Variants in ELAPOR2 observed in about 807,000 individuals in gnomAD.
The protein encoded by ELAPOR2 is endosome/lysosome-associated apoptosis and autophagy regulator family member 2.
A neutral mutation model predicts 120.7 loss-of-function variants in ELAPOR2; 89 were observed. The ratio of observed to expected loss-of-function variants is 0.74; its 90% CI spans 0.62 to 0.88. The LOEUF is 0.88. Ranked by LOEUF, ELAPOR2 falls within the 40% of genes least tolerant of loss-of-function variation. The probability of loss-of-function intolerance (pLI) is 0.00; values close to 1 mark genes in which losing one functional copy is unlikely to be tolerated. For missense variants in ELAPOR2, 1,134 were observed against 1,251.6 expected (o/e 0.91, Z 1.42); for synonymous variants, 444 against 444.9 (o/e 1.00, Z 0.03).
At chr7:86,971,053 T>C (rs1001724333) in intron 1 of ELAPOR2, among the ~76,000 whole-genome samples, 2 of 152,192 alleles carry the variant, frequency 1.3e-5, no homozygotes, top group Admixed American at 6.6e-5. Flanking sequence ...ATAAGGTTTC[T>C]TTCTTAGAAA....
At chr7:87,045,460 G>T (rs1794921765) in intron 1 of ELAPOR2, among the ~76,000 whole-genome samples, 1 of 151,260 alleles carries the variant, frequency 6.6e-6, no homozygotes, top group Admixed American at 6.6e-5. Flanking sequence ...CCTTTGTAGG[G>T]ACATGGATGA....
chr7:86,902,264 C>G (rs1005743326), intron 18 of ELAPOR2, among the ~76,000 whole-genome samples: 1 of 152,152 alleles, frequency 6.6e-6, no homozygotes, highest in Non-Finnish European at 1.5e-5. Flanking sequence ...ACAACCTCCA[C>G]CTCCTGGGTT....
intron 1 of ELAPOR2, among the ~76,000 whole-genome samples, chr7:87,008,286 T>C (rs1436462124): frequency 1.3e-5 from 2 of 152,158 alleles, no homozygotes; most frequent in African/African-American, 2.4e-5. Context: ...GATCTATACT[T>C]TTCAGAAGTA....
intron 1 of ELAPOR2, among the ~76,000 whole-genome samples, chr7:87,024,149 A>C (rs899841988): frequency 2.0e-5 from 3 of 152,150 alleles, no homozygotes; most frequent in African/African-American, 7.2e-5. Flanking sequence ...GCCAGTTTTC[A>C]AAGGGAATGC....
intron 1 of ELAPOR2, among the ~76,000 whole-genome samples, chr7:87,040,661 GA>G (rs1652699490): frequency 6.6e-6 from 1 of 152,188 alleles, no homozygotes; most frequent in African/African-American, 2.4e-5. Context: ...ACAAAGAGGG[GA>G]AAAAACAGAA....
intron 1 of ELAPOR2, among the ~76,000 whole-genome samples, chr7:87,015,279 T>C (rs1447093167): frequency 6.6e-6 from 1 of 152,226 alleles, no homozygotes. Context: ...CTGATAAATC[T>C]GTTGTGAACT....
At chr7:86,932,030 C>A (rs962301820) in intron 8 of ELAPOR2, among the ~76,000 whole-genome samples, 5 of 151,860 alleles carry the variant, frequency 3.3e-5, no homozygotes, top group African/African-American at 9.7e-5. Context: ...TGAACTAAGA[C>A]ATCCAATCAA....
At chr7:86,957,400 AT>A (rs1343323091) in intron 2 of ELAPOR2, among the ~76,000 whole-genome samples, 1 of 152,224 alleles carries the variant, frequency 6.6e-6, no homozygotes, top group African/African-American at 2.4e-5. Context: ...AAGTTACTCA[AT>A]CTACAAACAT....
intron 1 of ELAPOR2, among the ~76,000 whole-genome samples, chr7:86,972,450 A>G (rs1562950245): frequency 6.6e-6 from 1 of 151,954 alleles, no homozygotes; most frequent in Non-Finnish European, 1.5e-5. Flanking sequence ...TCTCCTCCAA[A>G]TTCCTTTTTA....
chr7:86,948,983 C>T (rs1281618144), intron 2 of ELAPOR2, among the ~76,000 whole-genome samples: 2 of 152,092 alleles, frequency 1.3e-5, no homozygotes, highest in African/African-American at 4.8e-5. Flanking sequence ...TTTTAGAATA[C>T]ATTAGAAAAC....
intron 2 of ELAPOR2, among the ~76,000 whole-genome samples, chr7:86,963,865 C>A (rs1218933217): frequency 1.3e-5 from 2 of 152,320 alleles, no homozygotes; most frequent in African/African-American, 2.4e-5. Flanking sequence ...TACACTGAAG[C>A]TTTCACCTGC....
chr7:87,023,049 T>C (rs1794115503), intron 1 of ELAPOR2, among the ~76,000 whole-genome samples: 1 of 151,904 alleles, frequency 6.6e-6, no homozygotes, highest in African/African-American at 2.4e-5. Flanking sequence ...GATGTTAGTT[T>C]ATTTTGCTCT....
At chr7:86,889,769 C>T (rs1395084902) in intron 21 of ELAPOR2, among the ~76,000 whole-genome samples, 1 of 151,988 alleles carries the variant, frequency 6.6e-6, no homozygotes, top group Non-Finnish European at 1.5e-5. Flanking sequence ...TATTGGGTTT[C>T]TGTTAAGATT....
chr7:87,056,531 T>G (rs1795268170), intron 1 of ELAPOR2, among the ~76,000 whole-genome samples: 1 of 152,224 alleles, frequency 6.6e-6, no homozygotes, highest in Non-Finnish European at 1.5e-5. Context: ...CGCTTCCTGT[T>G]TGTGCGTGTG....
At chr7:86,902,100 T>C (rs1163991720) in intron 18 of ELAPOR2, among the ~76,000 whole-genome samples, 2 of 152,200 alleles carry the variant, frequency 1.3e-5, no homozygotes, top group East Asian at 1.9e-4. Flanking sequence ...CTCTGCTTCA[T>C]AGATAGCACT....
intron 18 of ELAPOR2, among the ~76,000 whole-genome samples, chr7:86,907,234 AC>A (rs1203782967): frequency 6.6e-6 from 1 of 152,012 alleles, no homozygotes; most frequent in Non-Finnish European, 1.5e-5. Context: ...TGGCCCCCAT[AC>A]CCTTCCAGAG....
intron 18 of ELAPOR2, among the ~76,000 whole-genome samples, chr7:86,904,045 A>T (rs1788850817): frequency 6.6e-6 from 1 of 152,118 alleles, no homozygotes; most frequent in Non-Finnish European, 1.5e-5. Context: ...GGCATGAAAA[A>T]ACCACACAGT....
chr7:86,908,150 TACACACACACACAC>T lies in ELAPOR2; in HGVS notation c.2456+283_2456+296del, dbSNP rs144805388. Among the ~76,000 whole-genome samples, 1,072 of 144,360 alleles carry T rather than the reference TACACACACACACAC, an allele frequency of 7.4e-3. 19 individuals are homozygous for T. Among genetic ancestry groups the T allele is most frequent in the African/African-American group, 0.024 (968 of 40,042 alleles). 94.7% of individuals were successfully genotyped at this position (144,360 alleles called of 152,430 possible). A position where few individuals can be genotyped will look rare whatever the true frequency, so the allele number is the denominator to read the frequency against. Reference sequence around the variant, plus strand: ...TCTCTTTACTGCCAATGTAAGTGAATACACACACACACACACACACACACACACACACACACGAG... The same window carrying T: ...TCTCTTTACTGCCAATGTAAGTGAATACACACACACACACACACACACGAG... On this transcript the variant is annotated intron_variant, in intron 17 of 21. Coordinates refer to ENST00000450689, the MANE Select transcript of ELAPOR2 (RefSeq NM_001142749.3).
chr7:86,940,230 C>T, intron 5 of ELAPOR2, 115 bp from the exon 6 acceptor site: 1 of 520,118 alleles, frequency 1.9e-6, no homozygotes, highest in South Asian at 3.9e-5. Context: ...TTAAAACCCA[C>T]AGATTTAAGT....
Sources: allele counts gnomAD v4.1 joint callset (sites outside exome capture counted in the v4.1 genomes callset), GRCh38; gene constraint gnomAD v4.1.1; transcripts MANE v1.5; gene names NCBI Gene and HGNC (gene_info 2026-07-23, HGNC 2026-07-21).